FZD4: variants seen among roughly 807,000 people sequenced by gnomAD.
FZD4 encodes frizzled-4.
FZD4 carries 16 observed loss-of-function variants against 37.3 expected under a neutral mutation model. The observed-to-expected ratio is 0.43, with a 90% confidence interval of 0.29 to 0.65. FZD4 has a LOEUF of 0.65. FZD4 is among the 30% of genes least tolerant of loss of function. The pLI, the probability that FZD4 is intolerant of heterozygous loss-of-function variation, is 0.16. For missense variants in FZD4, 599 were observed against 674.3 expected, an observed-to-expected ratio of 0.89 and a Z score of 1.24; for synonymous variants, 246 against 254.8, an observed-to-expected ratio of 0.97 and a Z score of 0.33.
In FZD4 at chr11:86,951,470, TTGTC is replaced by T. The variant is rs80358295; in HGVS notation, c.1282_1285del (p.Asp428SerfsTer2). 35 of 1,613,988 alleles carry T rather than the reference TTGTC, an allele frequency of 2.2e-5. No homozygotes were observed. Among genetic ancestry groups the T allele is most frequent in the African/African-American group, 5.3e-5 (4 of 74,924 alleles). ...AATCTTGACCATCAGTCTTTCTAAC[TTGTC>T]TGTCTTTGTCCCATCCTTTTGAAGA... On this transcript the variant is annotated frameshift_variant, in exon 2 of 2. Transcript: ENST00000531380. LOFTEE classifies it high-confidence loss of function.
rs745965975 is a variant in FZD4, at chr11:86,951,335, A to T, written c.1421T>A (p.Met474Lys). Reference protein sequence around the residue: ...LFRYSADDSNMAVEMLKIFMS... With the variant: ...LFRYSADDSNKAVEMLKIFMS... ...AAAAATTTTCAACATTTCAACAGCCATGTTGGAATCATCTGCAGAATACCG... is the reference window on the plus strand; with the variant it reads ...AAAAATTTTCAACATTTCAACAGCCTTGTTGGAATCATCTGCAGAATACCG... The change falls in exon 2 of 2, where the codon ATG (methionine) becomes AAG (lysine). Residue 474 changes from methionine (M) to lysine (K), a missense_variant. By Grantham distance (95) the Met-to-Lys change is moderately conservative. This residue lies in a region of FZD4 where 203 missense variants were observed against 196.8 expected (regional missense o/e 1.03). Coordinates refer to ENST00000531380, the MANE Select transcript of FZD4 (RefSeq NM_012193.4). The T allele has an allele frequency of 6.2e-7, 1 of 1,613,040 alleles. No individual in the cohort carries two copies.
intron 1 of FZD4, 40 bp downstream of exon 1, chr11:86,954,761 C>T (rs1310686746): frequency 4.5e-6 from 7 of 1,563,498 alleles, no homozygotes; most frequent in African/African-American, 4.1e-5. Context: ...AGCGTCCCTC[C>T]CCAAGGGGTC....
In FZD4 at chr11:86,946,665, C is replaced by G. The variant is rs914199497; in HGVS notation, c.*4477G>C. On this transcript the variant is annotated 3_prime_UTR_variant, in exon 2 of 2. Coordinates refer to ENST00000531380, the MANE Select transcript of FZD4 (RefSeq NM_012193.4). ...ATTATGTGGGGCTCCAGTATCTGAT[C>G]CTTGGTAGGAGCAAAATGCTCTCTA... 8 of 152,582 alleles carry G rather than the reference C, an allele frequency of 5.2e-5. No homozygotes were observed. Among genetic ancestry groups the G allele is most frequent in the Non-Finnish European group, 7.3e-5 (5 of 68,048 alleles). 9.5% of individuals were successfully genotyped at this position (152,582 alleles called of 1,614,324 possible).
At chr11:86,953,174 C>T (rs911407342) in intron 1 of FZD4, among the ~76,000 whole-genome samples, 2 of 152,190 alleles carry the variant, frequency 1.3e-5, no homozygotes, top group Non-Finnish European at 2.9e-5. Flanking sequence ...TCCTCAATTC[C>T]TCCAGCATTG....
rs1049048974 is a variant in FZD4 at position 86,946,722 on chromosome 11, G to A, written c.*4420C>T. On this transcript the variant is annotated 3_prime_UTR_variant, in exon 2 of 2. Coordinates refer to ENST00000531380, the MANE Select transcript of FZD4 (RefSeq NM_012193.4). ...TTCCAAGATCTATGATCTAACCCTG[G>A]AGGAAAAGTGATAACCCAGGTCATT... 6.6e-6 allele frequency: 1 copy of A among 152,534 alleles called. No homozygotes were observed. Among genetic ancestry groups the A allele is most frequent in the Non-Finnish European group, 1.5e-5 (1 of 68,038 alleles). 9.4% of individuals were successfully genotyped at this position (152,534 alleles called of 1,614,324 possible).
In FZD4 at chr11:86,951,528, A is replaced by C. The variant is rs1443630303; in HGVS notation, c.1228T>G (p.Leu410Val). 9 of 1,613,978 alleles carry C rather than the reference A, an allele frequency of 5.6e-6. No homozygotes were observed. The highest frequency in any genetic ancestry group is 7.6e-6 in the Non-Finnish European group (9 of 1,180,010). Residue 410 changes from leucine (L) to valine (V), a missense_variant, in exon 2 of 2, where the codon TTG (leucine) becomes GTG (valine). Physicochemically the swap from Leu to Val is conservative, Grantham distance 32 (BLOSUM62 1). Coordinates refer to ENST00000531380, the MANE Select transcript of FZD4 (RefSeq NM_012193.4). ...GACCGAATTTTGAACAAGGCCACCA[A>C]ACCTGCAGCAATGAACAAAGTTCCA... ...VIGTLFIAAG[L>V]VALFKIRSNL...
chr11:86,949,481 C>A lies in FZD4; in HGVS notation c.*1661G>T, dbSNP rs1467905218. 1.3e-5 allele frequency: 2 copies of A among 150,880 alleles called. No individual in the cohort carries two copies. The highest frequency in any genetic ancestry group is 2.1e-4 in the South Asian group (1 of 4,788). 9.3% of individuals were successfully genotyped at this position (150,880 alleles called of 1,614,324 possible). A position where few individuals can be genotyped will look rare whatever the true frequency, so the allele number is the denominator to read the frequency against. On this transcript the variant is annotated 3_prime_UTR_variant, in exon 2 of 2. Coordinates refer to ENST00000531380, the MANE Select transcript of FZD4 (RefSeq NM_012193.4). ...ATGAATTAATAAATAAATGTCATTG[C>A]AAAGCAGTTGCTGAAGCAGACAGGT...
rs1949252708 is a variant in FZD4, at chr11:86,947,360, G to A, written c.*3782C>T. ...TGAAATCCCTGAGTCTATTCCTCTAGGGCTGAGACTGTTGAGCTCATCTTT... is the reference window on the plus strand; with the variant it reads ...TGAAATCCCTGAGTCTATTCCTCTAAGGCTGAGACTGTTGAGCTCATCTTT... On this transcript the variant is annotated 3_prime_UTR_variant, in exon 2 of 2. Coordinates refer to ENST00000531380, the MANE Select transcript of FZD4 (RefSeq NM_012193.4). The A allele has an allele frequency of 6.6e-6, 1 of 152,564 alleles. No individual in the cohort carries two copies. The highest frequency in any genetic ancestry group is 6.5e-5 in the Admixed American group (1 of 15,294). 9.5% of individuals were successfully genotyped at this position (152,564 alleles called of 1,614,324 possible).
chr11:86,947,889 C>T lies in FZD4; in HGVS notation c.*3253G>A, dbSNP rs1269894837. On this transcript the variant is annotated 3_prime_UTR_variant, in exon 2 of 2. Coordinates refer to ENST00000531380, the MANE Select transcript of FZD4 (RefSeq NM_012193.4). Reference sequence around the variant, plus strand: ...GATTTCTGAGGAAGCTACAATCATACCCATTTACTGTAGGTTTCAGAGAAA... The same window carrying T: ...GATTTCTGAGGAAGCTACAATCATATCCATTTACTGTAGGTTTCAGAGAAA... 6.6e-6 allele frequency: 1 copy of T among 152,224 alleles called. No individual in the cohort carries two copies. Among genetic ancestry groups the T allele is most frequent in the African/African-American group, 2.4e-5 (1 of 41,446 alleles). The allele number at this position is 152,224 out of a possible 1,614,324, so 9.4% of individuals were successfully genotyped here.
rs1949320761 is a variant in FZD4, at chr11:86,954,662, G to A, written c.285+139C>T. 4 of 1,438,432 alleles carry A rather than the reference G, an allele frequency of 2.8e-6. No individual in the cohort carries two copies. The East Asian group carries it at 1.0e-4, about 36-fold the overall frequency. The allele number at this position is 1,438,432 out of a possible 1,614,324, so 89.1% of individuals were successfully genotyped here. On this transcript the variant is annotated intron_variant, in intron 1 of 1. Transcript: ENST00000531380. ...TGGCTTCCAGTCCCTGAGAAAGTGG[G>A]GGTGGGGATGGAAATCACTTTTCCA...
chr11:86,952,435 T>C lies in FZD4; in HGVS notation c.321A>G (p.Thr107=). 1.9e-6 allele frequency: 3 copies of C among 1,613,946 alleles called. No individual in the cohort carries two copies. Among genetic ancestry groups the C allele is most frequent in the Non-Finnish European group, 2.5e-6 (3 of 1,179,884 alleles). The change falls in exon 2 of 2, where the codon ACA becomes ACG. Residue 107 remains threonine, a synonymous_variant. Coordinates refer to ENST00000531380, the MANE Select transcript of FZD4 (RefSeq NM_012193.4). ...FLCSVYVPMC[T]EKINIPIGPC... Reference sequence around the variant, plus strand: ...GGCCAATGGGGATGTTGATCTTCTCTGTGCACATTGGCACATAAACAGAAC... The same window carrying C: ...GGCCAATGGGGATGTTGATCTTCTCCGTGCACATTGGCACATAAACAGAAC...
rs780777696 is a variant in FZD4 at position 86,951,107 on chromosome 11, C to G, written c.*35G>C. 1 of 1,609,802 alleles carries G rather than the reference C, an allele frequency of 6.2e-7. No homozygotes were observed. The highest frequency in any genetic ancestry group is 2.2e-5 in the East Asian group (1 of 44,870). ...TCCTCCAAAATGCTGGCATTCCCCC[C>G]TTCAAAATGAAGAAAGCATGGAGGC... On this transcript the variant is annotated 3_prime_UTR_variant, in exon 2 of 2. Transcript: ENST00000531380.
In FZD4 at chr11:86,951,905, A is replaced by G; in HGVS notation, c.851T>C (p.Phe284Ser). 1 of 1,613,918 alleles carries G rather than the reference A, an allele frequency of 6.2e-7. No individual in the cohort carries two copies. Among genetic ancestry groups the G allele is most frequent in the Non-Finnish European group, 8.5e-7 (1 of 1,180,006 alleles). ...TVGRERISCD[F>S]EEAAEPVLIQ... Reference sequence around the variant, plus strand: ...GAGAACAGGTTCTGCTGCCTCTTCAAAATCACAGGATATCCTTTCCCGGCC... The same window carrying G: ...GAGAACAGGTTCTGCTGCCTCTTCAGAATCACAGGATATCCTTTCCCGGCC... Residue 284 changes from phenylalanine (F) to serine (S), a missense_variant, in exon 2 of 2, where the codon TTT becomes TCT. Phe to Ser is a radical substitution (Grantham distance 155). This residue lies in a region of FZD4 where 357 missense variants were observed against 396.1 expected (regional missense o/e 0.90). Coordinates refer to ENST00000531380, the MANE Select transcript of FZD4 (RefSeq NM_012193.4).
Position 86,949,807 on chromosome 11 carries a change from A to G in FZD4, c.*1335T>C, listed in dbSNP as rs977689473. 5.9e-5 allele frequency: 9 copies of G among 152,664 alleles called. No homozygotes were observed. The highest frequency in any genetic ancestry group is 4.6e-4 in the Admixed American group (7 of 15,284). 9.5% of individuals were successfully genotyped at this position (152,664 alleles called of 1,614,324 possible). ...CTGGCTGGCATTCTGGAGATTCATT[A>G]AGCACCATATAAATACTCCAGGCCA... On this transcript the variant is annotated 3_prime_UTR_variant, in exon 2 of 2. Coordinates refer to ENST00000531380, the MANE Select transcript of FZD4 (RefSeq NM_012193.4).
Position 86,952,274 on chromosome 11 carries a change from C to T in FZD4, c.482G>A (p.Gly161Glu). 1.9e-6 allele frequency: 3 copies of T among 1,614,206 alleles called. No individual in the cohort carries two copies. The South Asian group carries it at 3.3e-5, about 18-fold the overall frequency. Residue 161 changes from glycine (G) to glutamate (E), a missense_variant, in exon 2 of 2, where the codon GGG (glycine) becomes GAG (glutamate). Coordinates refer to ENST00000531380, the MANE Select transcript of FZD4 (RefSeq NM_012193.4). ...QNDHNHMCME[G>E]PGDEEVPLPH... is the part of the protein sequence containing the mutation. Reference sequence around the variant, plus strand: ...TAAGGGCACCTCTTCATCACCTGGCCCTTCCATGCACATGTGGTTGTGGTC... The same window carrying T: ...TAAGGGCACCTCTTCATCACCTGGCTCTTCCATGCACATGTGGTTGTGGTC...
At chr11:86,954,659 T>A (rs1949320710) in intron 1 of FZD4, 142 bp downstream of exon 1, 1 of 1,436,018 alleles carries the variant, frequency 7.0e-7, no homozygotes, top group East Asian at 2.5e-5. Context: ...CCTGAGAAAG[T>A]GGGGGTGGGG....
rs1476724511 is a variant in FZD4 at position 86,952,147 on chromosome 11, C to A, written c.609G>T (p.Lys203Asn). ...WVKRSLNCVL[K>N]CGYDAGLYSR... Reference sequence around the variant, plus strand: ...TGTATAAGCCAGCATCATAGCCACACTTGAGCACACAGTTCAGGCTCCTTT... The same window carrying A: ...TGTATAAGCCAGCATCATAGCCACAATTGAGCACACAGTTCAGGCTCCTTT... The change falls in exon 2 of 2, where the codon AAG becomes AAT. Residue 203 changes from lysine to asparagine, a missense_variant. This residue lies in a region of FZD4 where 357 missense variants were observed against 396.1 expected (regional missense o/e 0.90). Coordinates refer to ENST00000531380, the MANE Select transcript of FZD4 (RefSeq NM_012193.4). 1.9e-6 allele frequency: 3 copies of A among 1,612,524 alleles called. No homozygotes were observed. Among genetic ancestry groups the A allele is most frequent in the Non-Finnish European group, 2.5e-6 (3 of 1,178,904 alleles).
chr11:86,950,656 T>C lies in FZD4; in HGVS notation c.*486A>G, dbSNP rs1343079202. Reference sequence around the variant, plus strand: ...TGTTACATCAGCCAAACTATAAAACTCTTGTAACACTTTTCTGAACCCAGC... The same window carrying C: ...TGTTACATCAGCCAAACTATAAAACCCTTGTAACACTTTTCTGAACCCAGC... On this transcript the variant is annotated 3_prime_UTR_variant, in exon 2 of 2. Coordinates refer to ENST00000531380, the MANE Select transcript of FZD4 (RefSeq NM_012193.4). 1 of 193,002 alleles carries C rather than the reference T, an allele frequency of 5.2e-6. No individual in the cohort carries two copies. The highest frequency in any genetic ancestry group is 2.3e-5 in the African/African-American group (1 of 42,616). The allele number at this position is 193,002 out of a possible 1,614,324, so 12.0% of individuals were successfully genotyped here.
At position 86,951,427 on chromosome 11, in the gene FZD4, C is replaced by G. The variant is rs777994800; in HGVS notation, c.1329G>C (p.Leu443=). ...TCACACACGTTGCAGGAACTGTGTA[C>G]AGTACTGAGAACACCCCAATCTTGA... is the stretch of plus-strand genomic sequence containing the variant. The part of the protein sequence containing the change: ...LMVKIGVFSV[L]YTVPATCVIA... The change falls in exon 2 of 2, where the codon CTG becomes CTC. Residue 443 remains leucine, a synonymous_variant. Coordinates refer to ENST00000531380, the MANE Select transcript of FZD4 (RefSeq NM_012193.4). 3 of 1,612,486 alleles carry G rather than the reference C, an allele frequency of 1.9e-6. No homozygotes were observed. Among genetic ancestry groups the G allele is most frequent in the African/African-American group, 2.7e-5 (2 of 74,906 alleles).
Sources: allele counts gnomAD v4.1 joint callset (sites outside exome capture counted in the v4.1 genomes callset), GRCh38; gene constraint gnomAD v4.1.1; regional missense constraint gnomAD v4.1.1; transcripts MANE v1.5; gene names NCBI Gene and HGNC (gene_info 2026-07-23, HGNC 2026-07-21).